Variants in NRDE2 observed in about 807,000 individuals in gnomAD.
NRDE2 encodes the protein NRDE-2, necessary for RNA interference, domain containing.
In NRDE2, 76 loss-of-function variants were observed where a neutral mutation model predicts 124.2. The observed-to-expected ratio is 0.61, with a 90% confidence interval of 0.51 to 0.74. NRDE2 has a LOEUF of 0.74. Ranked by LOEUF, NRDE2 falls within the 30% of genes least tolerant of loss-of-function variation. The pLI, the probability that NRDE2 is intolerant of heterozygous loss-of-function variation, is 0.00. For synonymous variants in NRDE2, 489 were observed against 528.1 expected, an observed-to-expected ratio of 0.93 and a Z score of 1.01; for missense variants, 1,314 against 1,417.3, an observed-to-expected ratio of 0.93 and a Z score of 1.17.
In NRDE2 at chr14:90,270,432, G is replaced by A; in HGVS notation, c.*7904C>T. 1 of 1,483,824 alleles carries A rather than the reference G, an allele frequency of 6.7e-7. No homozygotes were observed. Among genetic ancestry groups the A allele is most frequent in the Non-Finnish European group, 9.0e-7 (1 of 1,108,686 alleles). The allele number at this position is 1,483,824 out of a possible 1,614,324, so 91.9% of individuals were successfully genotyped here. On this transcript the variant is annotated 3_prime_UTR_variant, in exon 14 of 14. Coordinates refer to ENST00000354366, the MANE Select transcript of NRDE2 (RefSeq NM_017970.4). ...AGAGTCTATATGTGCTCTTGGGATG[G>A]TGGTTGGCCTGGACAGGTGGGTGTC...
chr14:90,290,238 G>A lies in NRDE2; in HGVS notation c.2212C>T (p.Gln738Ter). 1 of 1,613,852 alleles carries A rather than the reference G, an allele frequency of 6.2e-7. No homozygotes were observed. Among genetic ancestry groups the A allele is most frequent in the South Asian group, 1.1e-5 (1 of 91,074 alleles). The change falls in exon 10 of 14, where the codon CAG becomes TAG. Residue 738 changes from glutamine (Q) to a stop codon, truncating the protein, a stop_gained. Coordinates refer to ENST00000354366, the MANE Select transcript of NRDE2 (RefSeq NM_017970.4). LOFTEE classifies it high-confidence loss of function. ...GGAATTACCTTTGCAATCTCATACTGTAACCAGGAGAAGCAGAGCTGGGAC... is the reference window on the plus strand; with the variant it reads ...GGAATTACCTTTGCAATCTCATACTATAACCAGGAGAAGCAGAGCTGGGAC... Reference protein sequence around the residue: ...EKSQLCFSWLQYEIAKVIWCL... With the variant: ...EKSQLCFSWL
chr14:90,272,171 G>T lies in NRDE2; in HGVS notation c.*6165C>A, dbSNP rs1891686474. The T allele has an allele frequency of 5.2e-6, 7 of 1,343,244 alleles. No homozygotes were observed. Among genetic ancestry groups the T allele is most frequent in the Middle Eastern group, 2.6e-4 (1 of 3,794 alleles). 83.2% of individuals were successfully genotyped at this position (1,343,244 alleles called of 1,614,324 possible). On this transcript the variant is annotated 3_prime_UTR_variant, in exon 14 of 14. Transcript: ENST00000354366. This position sits in a 1 kb window ranked among gnomAD's most constrained non-coding sequence, Gnocchi z 4.5. ...GGCCTCCCAGAGTGCTGGGATTACA[G>T]GTGTGAGCCACCGCGCCTGGCCTCA...
chr14:90,331,810 G>C (rs531898562), intron 1 of NRDE2, 31 bp downstream of exon 1: 21 of 1,612,572 alleles, frequency 1.3e-5, no homozygotes, highest in Admixed American at 1.0e-4. Context: ...AAGCCCCCCA[G>C]GTGCCTTCTT....
intron 1 of NRDE2, among the ~76,000 whole-genome samples, chr14:90,318,989 C>T (rs1268361253): frequency 6.6e-6 from 1 of 152,076 alleles, no homozygotes; most frequent in Admixed American, 6.5e-5. Flanking sequence ...ACTTTTAATG[C>T]TAAAATTATA....
Position 90,268,204 on chromosome 14 carries a change from ATC to A in NRDE2, c.*10130_*10131del. 7.1e-7 allele frequency: 1 copy of A among 1,418,416 alleles called. No homozygotes were observed. Among genetic ancestry groups the A allele is most frequent in the Non-Finnish European group, 9.3e-7 (1 of 1,078,312 alleles). The allele number at this position is 1,418,416 out of a possible 1,614,324, so 87.9% of individuals were successfully genotyped here. On this transcript the variant is annotated 3_prime_UTR_variant, in exon 14 of 14. Coordinates refer to ENST00000354366, the MANE Select transcript of NRDE2 (RefSeq NM_017970.4). ...CACTTAAGGTGTCTTTTTTTTTTTTATCTTTTTCATCCAAAATAGGTAAAACC... is the reference window on the plus strand; with the variant it reads ...CACTTAAGGTGTCTTTTTTTTTTTTATTTTTCATCCAAAATAGGTAAAACC...
intron 8 of NRDE2, among the ~76,000 whole-genome samples, chr14:90,296,476 G>A (rs1884151028): frequency 6.6e-6 from 1 of 152,194 alleles, no homozygotes; most frequent in Admixed American, 6.5e-5. Flanking sequence ...ACTGCCCAGA[G>A]GAGAGTTACC....
At position 90,304,317 on chromosome 14, in the gene NRDE2, C is replaced by T; in HGVS notation, c.623G>A (p.Gly208Glu). The T allele has an allele frequency of 6.2e-7, 1 of 1,614,110 alleles. No homozygotes were observed. The highest frequency in any genetic ancestry group is 8.5e-7 in the Non-Finnish European group (1 of 1,180,008). The change falls in exon 5 of 14, where the codon GGG becomes GAG. Residue 208 changes from glycine (G) to glutamate (E), a missense_variant. Physicochemically the swap from Gly to Glu is moderately conservative, Grantham distance 98 (BLOSUM62 -2). Transcript: ENST00000354366. ...TGAATGCTTCTTCTCTGTGGAAGTC[C>T]CTTCCCAAGATATGCACTGCTTCTT... ...NPKKQCISWE[G>E]TSTEKKHSRK... is the part of the protein sequence containing the mutation.
chr14:90,270,749 A>T lies in NRDE2; in HGVS notation c.*7587T>A, dbSNP rs927618103. The T allele has an allele frequency of 1.9e-5, 3 of 161,644 alleles. No individual in the cohort carries two copies. The highest frequency in any genetic ancestry group is 7.2e-5 in the African/African-American group (3 of 41,860). The allele number at this position is 161,644 out of a possible 1,614,324, so 10.0% of individuals were successfully genotyped here. ...ATTCATCTCCCAATCTGTGTTCTGGAAGGTTGTACCAGATTATACTTCTTG... is the reference window on the plus strand; with the variant it reads ...ATTCATCTCCCAATCTGTGTTCTGGTAGGTTGTACCAGATTATACTTCTTG... On this transcript the variant is annotated 3_prime_UTR_variant, in exon 14 of 14. Coordinates refer to ENST00000354366, the MANE Select transcript of NRDE2 (RefSeq NM_017970.4).
At chr14:90,326,456 T>C (rs868194679) in intron 1 of NRDE2, among the ~76,000 whole-genome samples, 34 of 144,502 alleles carry the variant, frequency 2.4e-4, no homozygotes, top group African/African-American at 8.3e-4. Context: ...ATCGCGCCAC[T>C]GCAGTCTGCA....
At chr14:90,329,438 G>A (rs1272572657) in intron 1 of NRDE2, among the ~76,000 whole-genome samples, 1 of 152,108 alleles carries the variant, frequency 6.6e-6, no homozygotes, top group Non-Finnish European at 1.5e-5. Flanking sequence ...AGTGGCTCAC[G>A]CCTGTAATTC....
chr14:90,316,252 C>G (rs1885042813), intron 3 of NRDE2, among the ~76,000 whole-genome samples: 1 of 151,998 alleles, frequency 6.6e-6, no homozygotes, highest in South Asian at 2.1e-4. Context: ...GTGTGGAGAC[C>G]CACGGCCCTC....
intron 4 of NRDE2, among the ~76,000 whole-genome samples, chr14:90,307,775 CCT>C (rs1455379985): frequency 6.6e-6 from 1 of 152,156 alleles, no homozygotes; most frequent in Non-Finnish European, 1.5e-5. Flanking sequence ...GTAGGGTTTC[CCT>C]CTGTTACCCA....
At position 90,274,138 on chromosome 14, in the gene NRDE2, G is replaced by T. The variant is rs889312715; in HGVS notation, c.*4198C>A. The T allele has an allele frequency of 6.5e-6, 1 of 154,990 alleles. No individual in the cohort carries two copies. The highest frequency in any genetic ancestry group is 2.4e-5 in the African/African-American group (1 of 41,482). 9.6% of individuals were successfully genotyped at this position (154,990 alleles called of 1,614,324 possible). A position where few individuals can be genotyped will look rare whatever the true frequency, so the allele number is the denominator to read the frequency against. On this transcript the variant is annotated 3_prime_UTR_variant, in exon 14 of 14. Transcript: ENST00000354366. ...TGCAGGGTAAGGACGGGGTGCTTGT[G>T]GGGAGGGCGGGTGTCAGCCCAAGTA...
Position 90,270,001 on chromosome 14 carries a change from T to C in NRDE2, c.*8335A>G, listed in dbSNP as rs575483706. 1.9e-5 allele frequency: 11 copies of C among 583,444 alleles called. No homozygotes were observed. Among genetic ancestry groups the C allele is most frequent in the African/African-American group, 1.9e-4 (10 of 53,850 alleles). 36.1% of individuals were successfully genotyped at this position (583,444 alleles called of 1,614,324 possible). A position where few individuals can be genotyped will look rare whatever the true frequency, so the allele number is the denominator to read the frequency against. Reference sequence around the variant, plus strand: ...AGGTACCAAAGCAGAGAGAGTTTCTTTTAAATGAAGAGAATTCAAATGTAG... The same window carrying C: ...AGGTACCAAAGCAGAGAGAGTTTCTCTTAAATGAAGAGAATTCAAATGTAG... On this transcript the variant is annotated 3_prime_UTR_variant, in exon 14 of 14. Coordinates refer to ENST00000354366, the MANE Select transcript of NRDE2 (RefSeq NM_017970.4).
At chr14:90,328,823 C>T (rs974930687) in intron 1 of NRDE2, among the ~76,000 whole-genome samples, 3 of 152,130 alleles carry the variant, frequency 2.0e-5, no homozygotes, top group East Asian at 1.9e-4. Context: ...CTCAACAGAT[C>T]GATCACATGG....
Position 90,272,249 on chromosome 14 carries a change from T to C in NRDE2, c.*6087A>G. 6.2e-7 allele frequency: 1 copy of C among 1,600,622 alleles called. No individual in the cohort carries two copies. The highest frequency in any genetic ancestry group is 8.5e-7 in the Non-Finnish European group (1 of 1,177,232). The stretch of plus-strand genomic sequence containing the variant: ...GAATAAAAATGAGTATGTCACTTTC[T>C]GAACACACTCTTCTTTCTTACAGGC... On this transcript the variant is annotated 3_prime_UTR_variant, in exon 14 of 14. Coordinates refer to ENST00000354366, the MANE Select transcript of NRDE2 (RefSeq NM_017970.4). The surrounding 1 kb of genome is among the most constrained non-coding windows in gnomAD (Gnocchi z 4.5).
At chr14:90,301,671 A>T (rs1333933599) in intron 6 of NRDE2, 1 of 462,282 alleles carries the variant, frequency 2.2e-6, no homozygotes, top group East Asian at 6.3e-5. Context: ...AAATAATCAC[A>T]GCTCATTATC....
intron 2 of NRDE2, 53 bp from the exon 3 acceptor site, chr14:90,316,864 T>C: frequency 3.5e-6 from 4 of 1,129,342 alleles, no homozygotes; most frequent in Non-Finnish European, 5.1e-6. Flanking sequence ...GTAGGAAAAA[T>C]AATACTATGT....
At position 90,296,371 on chromosome 14, in the gene NRDE2, T is replaced by C. The variant is rs770203778; in HGVS notation, c.1666+1889A>G. ...TAAAACCACTGGTCAGCCTGATGAA[T>C]AGTTCTCATTCTTTTTGGAAAAGAA... On this transcript the variant is annotated intron_variant, in intron 8 of 13. Transcript: ENST00000354366. 2.7e-4 allele frequency among the ~76,000 whole-genome samples: 41 copies of C among 152,198 alleles called. 1 individual carries two copies. Among genetic ancestry groups the C allele is most frequent in the African/African-American group, 8.7e-4 (36 of 41,450 alleles).
Sources: gnomAD v4.1 joint callset for allele counts (sites outside exome capture counted in the v4.1 genomes callset) on GRCh38, gnomAD v4.1.1 for gene constraint, Gnocchi (gnomAD v3.1) non-coding constraint, MANE v1.5 for transcripts, NCBI Gene and HGNC (gene_info 2026-07-23, HGNC 2026-07-21) for gene names.